The following NGF variants were observed in gnomAD, a reference collection of about 807,000 sequenced individuals.
NGF encodes the protein beta-nerve growth factor.
Under a neutral mutation model 12.8 loss-of-function variants are expected in NGF, and 4 were observed. The ratio of observed to expected loss-of-function variants is 0.31; its 90% CI spans 0.15 to 0.72. The LOEUF is 0.72. Among genes scored for constraint, NGF ranks in the 30% least tolerant of loss-of-function variants. The pLI is 0.69. For missense variants in NGF, 283 were observed against 330.8 expected (o/e 0.86, Z 1.12); for synonymous variants, 140 against 130.0 (o/e 1.08, Z -0.52).
At chr1:115,296,948 G>T (rs1255678511) in intron 1 of NGF, among the ~76,000 whole-genome samples, 1 of 152,146 alleles carries the variant, frequency 6.6e-6, no homozygotes, top group Admixed American at 6.6e-5. Flanking sequence ...TTTGATAAAT[G>T]CATGGAAATA....
intron 1 of NGF, among the ~76,000 whole-genome samples, chr1:115,302,032 G>T (rs912790700): frequency 2.0e-5 from 3 of 152,236 alleles, no homozygotes; most frequent in Non-Finnish European, 2.9e-5. Flanking sequence ...GGTCTTAGGA[G>T]TATTTCTATC....
chr1:115,321,440 C>T (rs1281577506), intron 1 of NGF, among the ~76,000 whole-genome samples: 4 of 152,024 alleles, frequency 2.6e-5, no homozygotes, highest in Non-Finnish European at 5.9e-5. Context: ...TTATTATAAA[C>T]AAAAGGACTG....
At chr1:115,308,943 G>A (rs1309096569) in intron 1 of NGF, among the ~76,000 whole-genome samples, 1 of 152,178 alleles carries the variant, frequency 6.6e-6, no homozygotes, top group Admixed American at 6.5e-5. Flanking sequence ...TTTTTAAAAG[G>A]TAAATTTGGT....
At chr1:115,321,570 T>C (rs1418574645) in intron 1 of NGF, among the ~76,000 whole-genome samples, 1 of 145,384 alleles carries the variant, frequency 6.9e-6, no homozygotes. Flanking sequence ...ATGATGTGTG[T>C]ATGGGATGTG....
At chr1:115,338,004 C>T (rs560741524) in intron 1 of NGF, among the ~76,000 whole-genome samples, 200 bp downstream of exon 1, 2 of 152,298 alleles carry the variant, frequency 1.3e-5, no homozygotes, top group East Asian at 3.9e-4. Flanking sequence ...CGGTCCGACT[C>T]GTCCTCCCGC....
Position 115,337,267 on chromosome 1 carries a change from GTTTTTTTTTTTTTTTTTTT to G in NGF, c.-137+918_-137+936del, listed in dbSNP as rs67307707. Among the ~76,000 whole-genome samples the G allele has an allele frequency of 9.5e-4, 77 of 81,030 alleles. 2 individuals carry two copies. Among genetic ancestry groups the G allele is most frequent in the Admixed American group, 2.8e-3 (21 of 7,546 alleles). 53.2% of individuals were successfully genotyped at this position (81,030 alleles called of 152,430 possible). A position where few individuals can be genotyped will look rare whatever the true frequency, so the allele number is the denominator to read the frequency against. ...TCGAAATTTTTTTTGTTTTGTTTTTGTTTTTTTTTTTTTTTTTTTTTTTTTTTTTTTTTTTTTTAGAAGG... is the reference window on the plus strand; with the variant it reads ...TCGAAATTTTTTTTGTTTTGTTTTTGTTTTTTTTTTTTTTTTTTTAGAAGG... On this transcript the variant is annotated intron_variant, in intron 1 of 2. Coordinates refer to ENST00000369512, the MANE Select transcript of NGF (RefSeq NM_002506.3).
intron 2 of NGF, among the ~76,000 whole-genome samples, chr1:115,292,517 G>A (rs1047860340): frequency 6.6e-6 from 1 of 152,222 alleles, no homozygotes; most frequent in Non-Finnish European, 1.5e-5. Flanking sequence ...AGAGCCACGA[G>A]TCTAGCCTAA....
intron 1 of NGF, among the ~76,000 whole-genome samples, chr1:115,315,655 A>G (rs1379196098): frequency 6.6e-6 from 1 of 152,174 alleles, no homozygotes; most frequent in African/African-American, 2.4e-5. Flanking sequence ...GGACATACAC[A>G]TGGAAAATTT....
chr1:115,329,543 G>A (rs762699186), intron 1 of NGF, among the ~76,000 whole-genome samples: 43 of 152,048 alleles, frequency 2.8e-4, no homozygotes, highest in Admixed American at 6.5e-5. Flanking sequence ...TTTCCATCAT[G>A]AGCCAGTTTG....
At chr1:115,312,079 C>A (rs941309020) in intron 1 of NGF, among the ~76,000 whole-genome samples, 1 of 152,172 alleles carries the variant, frequency 6.6e-6, no homozygotes, top group African/African-American at 2.4e-5. Context: ...TAAGTTGTGT[C>A]TATAAGTAGA....
At chr1:115,331,116 C>T (rs1192184179) in intron 1 of NGF, among the ~76,000 whole-genome samples, 1 of 152,156 alleles carries the variant, frequency 6.6e-6, no homozygotes, top group Non-Finnish European at 1.5e-5. Flanking sequence ...GGGAAGGGGC[C>T]TCAGCTTACT....
chr1:115,314,429 C>T (rs1415889263), intron 1 of NGF, among the ~76,000 whole-genome samples: 1 of 152,206 alleles, frequency 6.6e-6, no homozygotes, highest in Non-Finnish European at 1.5e-5. Flanking sequence ...AACATTGGGA[C>T]TATCTCTCAG....
intron 2 of NGF, among the ~76,000 whole-genome samples, chr1:115,291,225 T>C (rs1484356154): frequency 2.0e-5 from 3 of 151,510 alleles, no homozygotes; most frequent in Non-Finnish European, 2.9e-5. Context: ...TCCTATAAAC[T>C]TTTAAGTTTA....
At chr1:115,315,398 G>A (rs1654449867) in intron 1 of NGF, among the ~76,000 whole-genome samples, 1 of 152,090 alleles carries the variant, frequency 6.6e-6, no homozygotes, top group Admixed American at 6.6e-5. Flanking sequence ...AATGGAAGTG[G>A]GATATATTGG....
intron 1 of NGF, among the ~76,000 whole-genome samples, chr1:115,333,500 A>T (rs912146432): frequency 1.9e-5 from 1 of 52,660 alleles, no homozygotes; most frequent in African/African-American, 1.5e-4. Context: ...TAGTACTACT[A>T]AAAAAAAAAA....
intron 1 of NGF, among the ~76,000 whole-genome samples, chr1:115,337,440 C>A (rs1488914217): frequency 6.6e-6 from 1 of 151,894 alleles, no homozygotes; most frequent in Non-Finnish European, 1.5e-5. Context: ...CCCGCCCTAA[C>A]CTTCCACGCC....
chr1:115,303,433 A>G (rs550848195), intron 1 of NGF, among the ~76,000 whole-genome samples: 7 of 150,946 alleles, frequency 4.6e-5, no homozygotes, highest in Admixed American at 3.3e-4. Flanking sequence ...CACTACCATC[A>G]CCTCCTCCAA....
At chr1:115,312,783 C>T (rs1392875606) in intron 1 of NGF, among the ~76,000 whole-genome samples, 1 of 152,144 alleles carries the variant, frequency 6.6e-6, no homozygotes, top group Non-Finnish European at 1.5e-5. Context: ...CAGTGTTTCC[C>T]ACCCCTGGAA....
chr1:115,325,467 C>T (rs551926545), intron 1 of NGF, among the ~76,000 whole-genome samples: 28 of 152,054 alleles, frequency 1.8e-4, no homozygotes, highest in Non-Finnish European at 2.6e-4. Flanking sequence ...TCCACCACCC[C>T]CTTTATGACC....
Sources: allele counts gnomAD v4.1 joint callset (sites outside exome capture counted in the v4.1 genomes callset), GRCh38; gene constraint gnomAD v4.1.1; transcripts MANE v1.5; gene names NCBI Gene and HGNC (gene_info 2026-07-23, HGNC 2026-07-21).